Variants in MYO5B observed in about 807,000 individuals in gnomAD.
MYO5B encodes unconventional myosin-Vb.
A neutral mutation model predicts 229.3 loss-of-function variants in MYO5B; 143 were observed. The observed-to-expected ratio is 0.62, with a 90% CI of 0.54 to 0.72. MYO5B has a LOEUF of 0.72. Ranked by LOEUF, MYO5B falls within the 30% of genes least tolerant of loss-of-function variation. The pLI is 0.00. For missense variants in MYO5B, 2,321 were observed against 2,331.0 expected (o/e 1.00, Z 0.09); for synonymous variants, 918 against 885.2 (o/e 1.04, Z -0.66).
At chr18:49,960,860 G>A (rs972108001) in intron 12 of MYO5B, among the ~76,000 whole-genome samples, 2 of 152,168 alleles carry the variant, frequency 1.3e-5, no homozygotes, top group African/African-American at 4.8e-5. Context: ...CCTGAGAACT[G>A]TATACGACCT....
chr18:49,871,020 A>G (rs1426735847), intron 27 of MYO5B, among the ~76,000 whole-genome samples: 2 of 152,240 alleles, frequency 1.3e-5, no homozygotes, highest in African/African-American at 2.4e-5. Flanking sequence ...ATTATTCACA[A>G]TAGCCAAAAC....
chr18:49,895,218 G>A (rs1385300821), intron 21 of MYO5B, 44 bp from the exon 22 acceptor site: 1 of 1,505,988 alleles, frequency 6.6e-7, no homozygotes, highest in Non-Finnish European at 9.2e-7. Context: ...GAAGAAGTGG[G>A]GGAAGAAAAG....
chr18:49,873,720 TATTAAG>T (rs903801112), intron 26 of MYO5B, among the ~76,000 whole-genome samples: 30 of 152,352 alleles, frequency 2.0e-4, no homozygotes, highest in African/African-American at 7.0e-4. Flanking sequence ...CAAGGGGCTC[TATTAAG>T]ATGGGCTGGC....
chr18:49,949,256 TCTC>T (rs1325005126), intron 14 of MYO5B, among the ~76,000 whole-genome samples: 6 of 152,070 alleles, frequency 3.9e-5, no homozygotes, highest in Non-Finnish European at 7.4e-5. Context: ...GGAAAAACAT[TCTC>T]CTTTTAAAGT....
At chr18:50,111,314 T>C (rs2031860322) in intron 1 of MYO5B, among the ~76,000 whole-genome samples, 2 of 152,208 alleles carry the variant, frequency 1.3e-5, no homozygotes, top group African/African-American at 4.8e-5. Context: ...CAGAAGTAAA[T>C]TCTATTCATA....
intron 36 of MYO5B, 144 bp from the exon 37 acceptor site, chr18:49,837,946 A>C (rs750281004): frequency 9.2e-7 from 1 of 1,082,120 alleles, no homozygotes. Context: ...AACTTATAAC[A>C]TTTGGCAAAA....
intron 8 of MYO5B, among the ~76,000 whole-genome samples, chr18:49,982,888 A>G (rs962094340): frequency 2.0e-5 from 3 of 151,990 alleles, no homozygotes; most frequent in African/African-American, 7.2e-5. Flanking sequence ...TTTGAGCATT[A>G]AAGTATCCAG....
chr18:50,030,958 G>A (rs183508059), intron 4 of MYO5B, among the ~76,000 whole-genome samples: 20 of 124,824 alleles, frequency 1.6e-4, no homozygotes, highest in East Asian at 1.4e-3. Flanking sequence ...ATCAGACACC[G>A]CCAGCCAAAT....
intron 20 of MYO5B, among the ~76,000 whole-genome samples, chr18:49,903,042 T>C (rs902313375): frequency 2.0e-5 from 3 of 152,248 alleles, no homozygotes; most frequent in Non-Finnish European, 2.9e-5. Flanking sequence ...CCACAGGGAA[T>C]CAGCTGTCAA....
intron 3 of MYO5B, among the ~76,000 whole-genome samples, chr18:50,038,267 G>A (rs2029899136): frequency 6.6e-6 from 1 of 152,168 alleles, no homozygotes; most frequent in Non-Finnish European, 1.5e-5. Flanking sequence ...GAAGGAGAAG[G>A]CAATGAAAGG....
At chr18:50,020,030 C>G (rs1249669166) in intron 4 of MYO5B, among the ~76,000 whole-genome samples, 1 of 152,130 alleles carries the variant, frequency 6.6e-6, no homozygotes, top group Non-Finnish European at 1.5e-5. Flanking sequence ...CTCCAGCTCA[C>G]CAAGCTCATC....
chr18:50,117,177 C>T (rs2031978404), intron 1 of MYO5B, among the ~76,000 whole-genome samples: 1 of 151,950 alleles, frequency 6.6e-6, no homozygotes, highest in South Asian at 2.1e-4. Context: ...TTAAAAAAAG[C>T]AACTTAGGTG....
intron 33 of MYO5B, among the ~76,000 whole-genome samples, chr18:49,845,823 A>G (rs2024118830): frequency 1.3e-5 from 2 of 152,084 alleles, no homozygotes; most frequent in Admixed American, 6.5e-5. Flanking sequence ...ACAAGACTGG[A>G]GGGGAGGGAG....
chr18:50,154,065 C>G (rs2032641703), intron 1 of MYO5B, among the ~76,000 whole-genome samples: 1 of 152,152 alleles, frequency 6.6e-6, no homozygotes. Flanking sequence ...GGCCAAGGCT[C>G]CACAATTGAC....
chr18:50,050,147 A>G (rs2030353715), intron 2 of MYO5B, among the ~76,000 whole-genome samples: 1 of 152,222 alleles, frequency 6.6e-6, no homozygotes. Flanking sequence ...TAAAAATAAA[A>G]AATTATTAGG....
chr18:49,916,408 A>G (rs1464518635), intron 17 of MYO5B, among the ~76,000 whole-genome samples: 1 of 152,116 alleles, frequency 6.6e-6, no homozygotes, highest in Non-Finnish European at 1.5e-5. Context: ...CCCCTCCGCT[A>G]CCTGTACAGT....
intron 1 of MYO5B, among the ~76,000 whole-genome samples, chr18:50,153,129 G>C (rs2032625815): frequency 1.3e-5 from 2 of 152,108 alleles, no homozygotes. Flanking sequence ...ATGTCCTGTG[G>C]CACAATTAGT....
chr18:50,019,479 AG>A, intron 4 of MYO5B, among the ~76,000 whole-genome samples: 1 of 152,348 alleles, frequency 6.6e-6, no homozygotes, highest in Admixed American at 6.5e-5. Flanking sequence ...TCTTTAATTC[AG>A]TGGTCCAGCC....
At chr18:49,869,507 G>A (rs1250676463) in intron 27 of MYO5B, among the ~76,000 whole-genome samples, 1 of 152,180 alleles carries the variant, frequency 6.6e-6, no homozygotes, top group Non-Finnish European at 1.5e-5. Context: ...GTCAACAGCA[G>A]CAGAGTGGAG....
Sources: gnomAD v4.1 joint callset for allele counts (sites outside exome capture counted in the v4.1 genomes callset) on GRCh38, gnomAD v4.1.1 for gene constraint, MANE v1.5 for transcripts, NCBI Gene and HGNC (gene_info 2026-07-23, HGNC 2026-07-21) for gene names.